Variants in TAFA2 observed in about 807,000 individuals in gnomAD.
TAFA2 encodes TAFA chemokine like family member 2.
Under a neutral mutation model 18.8 loss-of-function variants are expected in TAFA2, and 7 were observed. That is an observed-to-expected ratio of 0.37 (90% CI 0.21 to 0.70). TAFA2 has a LOEUF of 0.70. TAFA2 is among the 30% of genes least tolerant of loss of function. TAFA2 has a pLI of 0.53. For synonymous variants in TAFA2, 60 were observed against 54.2 expected (o/e 1.11, Z -0.47); for missense variants, 122 against 158.1 (o/e 0.77, Z 1.23).
intron 2 of TAFA2, among the ~76,000 whole-genome samples, chr12:61,759,291 T>A (rs1020462283): frequency 2.0e-5 from 3 of 152,068 alleles, no homozygotes; most frequent in Admixed American, 2.0e-4. Context: ...GTACTGTACT[T>A]CACCACTCCA....
chr12:61,984,046 T>A (rs1044093283), intron 1 of TAFA2, among the ~76,000 whole-genome samples: 1 of 152,152 alleles, frequency 6.6e-6, no homozygotes, highest in Non-Finnish European at 1.5e-5. Flanking sequence ...GACACACTCA[T>A]ATAAACACGC....
At chr12:61,997,704 G>A (rs1359204623) in intron 1 of TAFA2, among the ~76,000 whole-genome samples, 1 of 151,976 alleles carries the variant, frequency 6.6e-6, no homozygotes, top group Non-Finnish European at 1.5e-5. Context: ...ACAGATGACA[G>A]CAGAGAAAGA....
intron 1 of TAFA2, among the ~76,000 whole-genome samples, chr12:62,158,307 A>G (rs1171736455): frequency 6.6e-6 from 1 of 152,254 alleles, no homozygotes; most frequent in Non-Finnish European, 1.5e-5. Context: ...ATATAGGTGT[A>G]TATAGTAGGC....
intron 1 of TAFA2, among the ~76,000 whole-genome samples, chr12:62,064,318 C>T (rs1424193724): frequency 6.6e-6 from 1 of 152,022 alleles, no homozygotes; most frequent in African/African-American, 2.4e-5. Flanking sequence ...TATCACTGTA[C>T]ATATACACAA....
At chr12:61,795,980 G>A (rs1871172919) in intron 2 of TAFA2, among the ~76,000 whole-genome samples, 1 of 151,992 alleles carries the variant, frequency 6.6e-6, no homozygotes, top group African/African-American at 2.4e-5. Flanking sequence ...CCAAGTGTTA[G>A]TGACAGTGAT....
At chr12:62,130,638 T>G (rs941519481) in intron 1 of TAFA2, among the ~76,000 whole-genome samples, 1 of 151,982 alleles carries the variant, frequency 6.6e-6, no homozygotes, top group African/African-American at 2.4e-5. Flanking sequence ...TGGCAGGCAC[T>G]GTGCTAGGGA....
At chr12:61,943,303 G>A (rs889847964) in intron 1 of TAFA2, among the ~76,000 whole-genome samples, 1 of 149,384 alleles carries the variant, frequency 6.7e-6, no homozygotes, top group African/African-American at 2.4e-5. Context: ...CCTGAAGGAA[G>A]CACTAAACAT....
At chr12:61,855,359 CT>C (rs1364701421) in intron 2 of TAFA2, among the ~76,000 whole-genome samples, 1 of 152,156 alleles carries the variant, frequency 6.6e-6, no homozygotes, top group Non-Finnish European at 1.5e-5. Context: ...CATCTACAAC[CT>C]GTACTAGGCT....
chr12:62,213,856 A>G (rs535596902), intron 1 of TAFA2, among the ~76,000 whole-genome samples: 2 of 152,324 alleles, frequency 1.3e-5, no homozygotes, highest in South Asian at 4.1e-4. Context: ...ATTTTTATAT[A>G]TTGTTTTGAA....
chr12:62,056,533 C>T (rs1199203155), intron 1 of TAFA2, among the ~76,000 whole-genome samples: 1 of 152,136 alleles, frequency 6.6e-6, no homozygotes, highest in Non-Finnish European at 1.5e-5. Flanking sequence ...GACCTGGAGG[C>T]CTGAAGTCCA....
intron 1 of TAFA2, chr12:62,022,208 T>G (rs1381892551): frequency 3.2e-6 from 1 of 309,780 alleles, no homozygotes; most frequent in Non-Finnish European, 6.5e-6. Context: ...TTAGATAAAA[T>G]TTAGAGACCA....
At chr12:61,787,563 T>C (rs1052018284) in intron 2 of TAFA2, among the ~76,000 whole-genome samples, 1 of 151,634 alleles carries the variant, frequency 6.6e-6, no homozygotes, top group African/African-American at 2.4e-5. Flanking sequence ...AAAATGTAAA[T>C]TGTGAAGAGG....
chr12:61,983,383 GTTTGT>G (rs10524394), intron 1 of TAFA2, among the ~76,000 whole-genome samples: 5,275 of 146,718 alleles, frequency 0.036, 182 homozygotes, highest in African/African-American at 0.092. Context: ...CTGGGATTCT[GTTTGT>G]TTTGTTTTGT....
intron 1 of TAFA2, among the ~76,000 whole-genome samples, chr12:61,938,098 T>A (rs1877844900): frequency 6.6e-6 from 1 of 151,978 alleles, no homozygotes; most frequent in Non-Finnish European, 1.5e-5. Flanking sequence ...AAAACCACAG[T>A]GAGATACCAC....
chr12:62,084,325 A>G (rs1312560010), intron 1 of TAFA2, among the ~76,000 whole-genome samples: 1 of 152,210 alleles, frequency 6.6e-6, no homozygotes, highest in Non-Finnish European at 1.5e-5. Context: ...TATGACAATC[A>G]TTAGCATTTC....
chr12:61,723,754 T>C (rs937475331), intron 4 of TAFA2, among the ~76,000 whole-genome samples: 4 of 152,156 alleles, frequency 2.6e-5, no homozygotes, highest in African/African-American at 9.6e-5. Flanking sequence ...TCACTTGGGA[T>C]GTGGAAAATG....
chr12:61,917,645 G>A (rs1876881221), intron 1 of TAFA2, among the ~76,000 whole-genome samples: 1 of 152,158 alleles, frequency 6.6e-6, no homozygotes, highest in Admixed American at 6.6e-5. Context: ...CTATTTGAGG[G>A]CAGTGCATTT....
intron 1 of TAFA2, among the ~76,000 whole-genome samples, chr12:62,079,324 C>T (rs1868284695): frequency 6.6e-6 from 1 of 152,060 alleles, no homozygotes; most frequent in Admixed American, 6.6e-5. Context: ...TCCTGATAGG[C>T]CTCTGGGACT....
intron 4 of TAFA2, among the ~76,000 whole-genome samples, chr12:61,741,283 TGA>T (rs1204733200): frequency 6.6e-6 from 1 of 151,178 alleles, no homozygotes; most frequent in South Asian, 2.1e-4. Flanking sequence ...TGTGTGTGTG[TGA>T]GTGTGTGTGT....
Sources: allele counts gnomAD v4.1 joint callset (sites outside exome capture counted in the v4.1 genomes callset), GRCh38; gene constraint gnomAD v4.1.1; transcripts MANE v1.5; gene names NCBI Gene and HGNC (gene_info 2026-07-23, HGNC 2026-07-21).